The following TENM2 variants were observed in gnomAD, a reference collection of about 807,000 sequenced individuals.
TENM2 encodes the protein teneurin-2.
A neutral mutation model predicts 245.2 loss-of-function variants in TENM2; 52 were observed. That is an observed-to-expected ratio of 0.21 (90% CI 0.17 to 0.27). The LOEUF (loss-of-function observed/expected upper bound fraction) is 0.27. Among genes scored for constraint, TENM2 ranks in the 10% least tolerant of loss-of-function variants. The probability of loss-of-function intolerance (pLI) is 1.00; values close to 1 mark genes in which losing one functional copy is unlikely to be tolerated. For missense variants in TENM2, 3,046 were observed against 3,666.8 expected (o/e 0.83, Z 4.37); for synonymous variants, 1,363 against 1,438.9 (o/e 0.95, Z 1.19).
the TENM2 span, among the ~76,000 whole-genome samples, chr5:167,030,426 C>T: frequency 0.31 from 47,267 of 152,072 alleles, 8,663 homozygotes; most frequent in Non-Finnish European, 0.43. Context: ...GGTCAGTGGC[C>T]GCCTTAGGTG....
At chr5:167,127,513 A>C in the TENM2 span, among the ~76,000 whole-genome samples, 1 of 152,290 alleles carries the variant, frequency 6.6e-6, no homozygotes, top group African/African-American at 2.4e-5. Flanking sequence ...AAAGCCATTA[A>C]AACATAACCT....
At chr5:167,754,868 C>T (rs1242808437) in intron 2 of TENM2, 12 of 657,010 alleles carry the variant, frequency 1.8e-5, no homozygotes, top group Non-Finnish European at 2.7e-5. Flanking sequence ...CCTCAGGAAC[C>T]TCATGCTGAG....
At chr5:167,821,581 G>T (rs1561818985) in intron 2 of TENM2, among the ~76,000 whole-genome samples, 1 of 152,146 alleles carries the variant, frequency 6.6e-6, no homozygotes, top group Admixed American at 6.5e-5. Flanking sequence ...AACATGATCC[G>T]ATAGTTCCAT....
intron 2 of TENM2, among the ~76,000 whole-genome samples, chr5:167,823,196 A>G (rs1361193712): frequency 2.0e-5 from 3 of 152,134 alleles, no homozygotes; most frequent in Admixed American, 2.0e-4. Flanking sequence ...GCTGAAATAG[A>G]GATATGCCCT....
At chr5:167,683,633 A>G (rs895742592) in intron 2 of TENM2, among the ~76,000 whole-genome samples, 14 of 152,184 alleles carry the variant, frequency 9.2e-5, no homozygotes, top group Non-Finnish European at 1.9e-4. Flanking sequence ...TGAGATAGGG[A>G]AAACCATATT....
At chr5:167,085,984 A>G in the TENM2 span, among the ~76,000 whole-genome samples, 9 of 152,174 alleles carry the variant, frequency 5.9e-5, no homozygotes, top group Non-Finnish European at 8.8e-5. Flanking sequence ...TTCCAATCAC[A>G]TGTTACCTAG....
At chr5:167,240,542 G>A in the TENM2 span, among the ~76,000 whole-genome samples, 1 of 152,142 alleles carries the variant, frequency 6.6e-6, no homozygotes, top group South Asian at 2.1e-4. Flanking sequence ...TAGATTTATT[G>A]GCTGATAACA....
the TENM2 span, among the ~76,000 whole-genome samples, chr5:167,181,437 GT>G: frequency 2.2e-4 from 27 of 123,110 alleles, no homozygotes; most frequent in Middle Eastern, 4.2e-3. Flanking sequence ...TCAGTTCTCT[GT>G]TTTTTTTTTT....
chr5:168,149,292 A>C lies in TENM2; in HGVS notation c.2423-13319A>C, dbSNP rs143353540. 1.5e-3 allele frequency: 690 copies of C among 449,678 alleles called. 4 individuals carry two copies. The highest frequency in any genetic ancestry group is 0.013 in the African/African-American group (628 of 49,932). 27.9% of individuals were successfully genotyped at this position (449,678 alleles called of 1,614,324 possible). A position where few individuals can be genotyped will look rare whatever the true frequency, so the allele number is the denominator to read the frequency against. ...TGCTCCCCTGTCACCCTTTCCCTTC[A>C]TCTCCACATGTTATTTTTAGTATGA... On this transcript the variant is annotated intron_variant, in intron 12 of 28. Transcript: ENST00000518659.
chr5:167,684,659 T>A (rs1441480374), intron 2 of TENM2, among the ~76,000 whole-genome samples: 2 of 152,210 alleles, frequency 1.3e-5, no homozygotes, highest in Non-Finnish European at 2.9e-5. Context: ...TTAAGGGTAC[T>A]AAATTATTTC....
the TENM2 span, among the ~76,000 whole-genome samples, chr5:167,143,697 A>G: frequency 6.6e-6 from 1 of 152,196 alleles, no homozygotes. Flanking sequence ...AAAATGTCAG[A>G]TGATGGGAGC....
At chr5:167,861,276 A>G (rs1698685019) in intron 2 of TENM2, among the ~76,000 whole-genome samples, 1 of 152,096 alleles carries the variant, frequency 6.6e-6, no homozygotes, top group African/African-American at 2.4e-5. Context: ...GTGGAAGGAG[A>G]AAGAACCAAC....
chr5:168,148,880 TA>T (rs1490108962), intron 12 of TENM2, among the ~76,000 whole-genome samples: 27 of 127,664 alleles, frequency 2.1e-4, no homozygotes, highest in Non-Finnish European at 4.3e-4. Flanking sequence ...ATATGATAGA[TA>T]GATAGATAGA....
intron 6 of TENM2, among the ~76,000 whole-genome samples, chr5:168,059,518 G>T: frequency 6.6e-6 from 1 of 151,808 alleles, no homozygotes; most frequent in East Asian, 1.9e-4. Context: ...TGATTGCTGG[G>T]GTTTCTTTTG....
chr5:167,393,470 G>A lies in TENM2; in HGVS notation c.502+17997G>A, dbSNP rs541772867. Among the ~76,000 whole-genome samples, 6 of 152,270 alleles carry A rather than the reference G, an allele frequency of 3.9e-5. No homozygotes were observed. The East Asian group carries it at 9.7e-4, about 25-fold the overall frequency. On this transcript the variant is annotated intron_variant, in intron 2 of 28. Coordinates refer to ENST00000518659, the Ensembl canonical transcript of TENM2. ...CAGATTTCAGGGGTGTGGCATTTCA[G>A]TCAGGTGGAAGAGCTAGTATAAAGA...
At chr5:167,307,506 C>T (rs1179238921) in intron 1 of TENM2, among the ~76,000 whole-genome samples, 1 of 152,128 alleles carries the variant, frequency 6.6e-6, no homozygotes, top group Non-Finnish European at 1.5e-5. Context: ...CACCGAATAT[C>T]AGAACCGAAC....
At chr5:167,980,448 C>G (rs1250649884) in intron 4 of TENM2, among the ~76,000 whole-genome samples, 2 of 152,004 alleles carry the variant, frequency 1.3e-5, no homozygotes, top group Non-Finnish European at 2.9e-5. Flanking sequence ...AGAGAAGTTT[C>G]CAGACTGAGG....
Position 167,766,578 on chromosome 5 carries a change from G to A in TENM2, c.503-109408G>A, listed in dbSNP as rs565612090. Among the ~76,000 whole-genome samples the A allele has an allele frequency of 1.1e-4, 17 of 152,196 alleles. No individual in the cohort carries two copies. The East Asian group carries it at 3.3e-3, about 29-fold the overall frequency. On this transcript the variant is annotated intron_variant, in intron 2 of 28. Transcript: ENST00000518659. Reference sequence around the variant, plus strand: ...GGAAATAAGTGTTTACAAGGATATGGAGAAAGTAGAACGCTTGGCCAGGCA... The same window carrying A: ...GGAAATAAGTGTTTACAAGGATATGAAGAAAGTAGAACGCTTGGCCAGGCA...
At chr5:167,317,382 C>A (rs961545005) in intron 1 of TENM2, among the ~76,000 whole-genome samples, 2 of 152,016 alleles carry the variant, frequency 1.3e-5, no homozygotes, top group Non-Finnish European at 2.9e-5. Context: ...GCTCTTTCAT[C>A]CTACCATAGA....
Sources: allele counts gnomAD v4.1 joint callset (sites outside exome capture counted in the v4.1 genomes callset), GRCh38; gene constraint gnomAD v4.1.1; transcripts MANE v1.5; gene names NCBI Gene and HGNC (gene_info 2026-07-23, HGNC 2026-07-21).